DNM3: variants seen among roughly 807,000 people sequenced by gnomAD.
DNM3 encodes the protein dynamin 3.
DNM3 carries 47 observed loss-of-function variants against 101.6 expected under a neutral mutation model. The observed-to-expected ratio is 0.46, with a 90% CI of 0.37 to 0.59. The LOEUF is 0.59. Among genes scored for constraint, DNM3 ranks in the 20% least tolerant of loss-of-function variants. DNM3 has a pLI of 0.00. For synonymous variants in DNM3, 385 were observed against 387.9 expected, an observed-to-expected ratio of 0.99 and a Z score of 0.09; for missense variants, 849 against 1,085.7, an observed-to-expected ratio of 0.78 and a Z score of 3.06.
At chr1:171,984,144 A>G (rs1026981609) in intron 2 of DNM3, among the ~76,000 whole-genome samples, 4 of 152,058 alleles carry the variant, frequency 2.6e-5, no homozygotes, top group African/African-American at 9.7e-5. Context: ...CACTGTTGCC[A>G]CCCTGGTCTA....
At chr1:172,207,246 A>G (rs1212911183) in intron 14 of DNM3, among the ~76,000 whole-genome samples, 1 of 152,076 alleles carries the variant, frequency 6.6e-6, no homozygotes, top group Non-Finnish European at 1.5e-5. Context: ...TTCCAGTGTT[A>G]TATTGACATT....
intron 1 of DNM3, among the ~76,000 whole-genome samples, chr1:171,905,690 G>A (rs1352138054): frequency 6.6e-6 from 1 of 152,166 alleles, no homozygotes; most frequent in Non-Finnish European, 1.5e-5. Flanking sequence ...TAATGAGGTG[G>A]TTAAAAGGAG....
At chr1:172,116,021 G>C (rs2147979854) in intron 13 of DNM3, among the ~76,000 whole-genome samples, 1 of 152,246 alleles carries the variant, frequency 6.6e-6, no homozygotes, top group South Asian at 2.1e-4. Context: ...CTATTCAACG[G>C]ATGGATGGAT....
chr1:172,289,627 A>G (rs957778717), intron 15 of DNM3: 12 of 979,470 alleles, frequency 1.2e-5, no homozygotes, highest in Non-Finnish European at 1.5e-5. Context: ...TAATTTTCCA[A>G]CTTGCTCAAT....
chr1:172,035,950 T>C (rs1459046909), intron 6 of DNM3, among the ~76,000 whole-genome samples: 3 of 152,174 alleles, frequency 2.0e-5, no homozygotes, highest in Admixed American at 2.0e-4. Flanking sequence ...TAAAATAGTT[T>C]CTTCAGTCAA....
intron 2 of DNM3, among the ~76,000 whole-genome samples, chr1:171,948,853 G>C (rs2042327607): frequency 6.6e-6 from 1 of 152,082 alleles, no homozygotes. Flanking sequence ...CTTCTTCCTA[G>C]TATTCAGGCA....
intron 20 of DNM3, among the ~76,000 whole-genome samples, chr1:172,401,948 C>T (rs2070520610): frequency 6.6e-6 from 1 of 152,144 alleles, no homozygotes; most frequent in Non-Finnish European, 1.5e-5. Flanking sequence ...CAGACATTCA[C>T]AAGAAGAAGT....
intron 15 of DNM3, among the ~76,000 whole-genome samples, chr1:172,284,720 A>G (rs1016641140): frequency 6.6e-6 from 1 of 152,194 alleles, no homozygotes; most frequent in Non-Finnish European, 1.5e-5. Flanking sequence ...AGAAACTTTC[A>G]GGTTGAAGAT....
intron 1 of DNM3, among the ~76,000 whole-genome samples, chr1:171,903,381 T>C (rs1167593601): frequency 6.6e-6 from 1 of 152,218 alleles, no homozygotes; most frequent in Non-Finnish European, 1.5e-5. Flanking sequence ...ATTTTATTTT[T>C]CTGTATGTAT....
In DNM3 at chr1:172,043,876, A is replaced by G. The variant is rs114571301; in HGVS notation, c.1129-509A>G. Among the ~76,000 whole-genome samples, 647 of 152,290 alleles carry G rather than the reference A, an allele frequency of 4.2e-3. 12 individuals are homozygous for G. The highest frequency in any genetic ancestry group is 0.014 in the African/African-American group (600 of 41,566). ...TTTATGGTACCTAGCGCTTCTGAGA[A>G]ATATTTGTAATCTATCCTGTGTTGT... On this transcript the variant is annotated intron_variant, in intron 8 of 20. Transcript: ENST00000627582.
At chr1:172,184,326 C>T (rs955768793) in intron 14 of DNM3, among the ~76,000 whole-genome samples, 2 of 152,046 alleles carry the variant, frequency 1.3e-5, no homozygotes, top group African/African-American at 4.8e-5. Context: ...TTACATTGAC[C>T]ACCATTTAAA....
At chr1:172,216,035 G>A (rs1356992045) in intron 14 of DNM3, among the ~76,000 whole-genome samples, 1 of 146,054 alleles carries the variant, frequency 6.8e-6, no homozygotes, top group African/African-American at 2.5e-5. Context: ...TAAGGGACCA[G>A]ATCAGGGGTA....
chr1:172,291,321 A>G (rs796529468), intron 15 of DNM3, among the ~76,000 whole-genome samples: 16 of 152,262 alleles, frequency 1.1e-4, no homozygotes, highest in African/African-American at 3.6e-4. Flanking sequence ...CTTTTAAGGC[A>G]TGCTAGTATA....
intron 14 of DNM3, among the ~76,000 whole-genome samples, chr1:172,198,244 C>T (rs1453014379): frequency 6.6e-6 from 1 of 152,060 alleles, no homozygotes; most frequent in Non-Finnish European, 1.5e-5. Flanking sequence ...ATTGAACCTA[C>T]CTTGCATCCC....
At chr1:171,984,681 C>G (rs2045112549) in intron 2 of DNM3, among the ~76,000 whole-genome samples, 1 of 152,154 alleles carries the variant, frequency 6.6e-6, no homozygotes, top group Non-Finnish European at 1.5e-5. Context: ...ATTGTTTACT[C>G]TTTTACCTGA....
chr1:172,233,869 T>G (rs1181027563), intron 14 of DNM3, among the ~76,000 whole-genome samples: 2 of 152,132 alleles, frequency 1.3e-5, no homozygotes, highest in African/African-American at 2.4e-5. Context: ...CTCAATAAAT[T>G]AGGTATTGAT....
chr1:172,368,617 A>G (rs998065413), intron 17 of DNM3, among the ~76,000 whole-genome samples: 2 of 151,888 alleles, frequency 1.3e-5, no homozygotes, highest in Non-Finnish European at 2.9e-5. Flanking sequence ...AAGAAATAAT[A>G]AAGATCAGCG....
chr1:171,842,356 C>CTGT, intron 1 of DNM3, among the ~76,000 whole-genome samples: 1 of 152,174 alleles, frequency 6.6e-6, no homozygotes, highest in East Asian at 1.9e-4. Flanking sequence ...CAGCTGTCTA[C>CTGT]TGTTGCCTGC....
intron 14 of DNM3, among the ~76,000 whole-genome samples, chr1:172,235,514 A>G (rs964794228): frequency 6.6e-6 from 1 of 152,208 alleles, no homozygotes; most frequent in African/African-American, 2.4e-5. Flanking sequence ...CCAAAGGATT[A>G]TAAGTCATGC....
Sources: allele counts gnomAD v4.1 joint callset (sites outside exome capture counted in the v4.1 genomes callset), GRCh38; gene constraint gnomAD v4.1.1; transcripts MANE v1.5; gene names NCBI Gene and HGNC (gene_info 2026-07-23, HGNC 2026-07-21).